MYO9A: variants seen among roughly 807,000 people sequenced by gnomAD.
MYO9A encodes the protein myosin IXA, also known as unconventional myosin-IXa.
MYO9A carries 103 observed loss-of-function variants against 293.3 expected under a neutral mutation model. That is an observed-to-expected ratio of 0.35 (90% CI 0.30 to 0.41). The LOEUF (loss-of-function observed/expected upper bound fraction) is 0.41. MYO9A is among the 10% of genes least tolerant of loss of function. The probability of loss-of-function intolerance (pLI) is 1.00; values close to 1 mark genes in which losing one functional copy is unlikely to be tolerated. For missense variants in MYO9A, 2,685 were observed against 3,033.0 expected (o/e 0.89, Z 2.69); for synonymous variants, 1,001 against 1,035.7 (o/e 0.97, Z 0.64).
At chr15:72,021,468 G>A (rs1030313044) in intron 4 of MYO9A, among the ~76,000 whole-genome samples, 1 of 152,174 alleles carries the variant, frequency 6.6e-6, no homozygotes, top group Non-Finnish European at 1.5e-5. Context: ...GAGATGAGAA[G>A]CCTGACAGCT....
chr15:71,988,034 T>C (rs1328188672), intron 11 of MYO9A, among the ~76,000 whole-genome samples: 1 of 152,340 alleles, frequency 6.6e-6, no homozygotes, highest in East Asian at 1.9e-4. Flanking sequence ...AGGCATTTCT[T>C]CTGGCTGTCT....
chr15:71,884,558 C>A (rs1249421042), intron 27 of MYO9A, among the ~76,000 whole-genome samples: 2 of 152,092 alleles, frequency 1.3e-5, no homozygotes, highest in African/African-American at 4.8e-5. Context: ...CAAAGTTTCA[C>A]AGTGAGTGAA....
At chr15:71,969,861 A>G (rs2096743894) in intron 12 of MYO9A, among the ~76,000 whole-genome samples, 1 of 152,214 alleles carries the variant, frequency 6.6e-6, no homozygotes, top group Admixed American at 6.5e-5. Context: ...TGCTCATATC[A>G]AAGCTCTTCA....
At chr15:71,861,578 T>TATCC (rs199561922) in intron 33 of MYO9A, among the ~76,000 whole-genome samples, 5,558 of 147,620 alleles carry the variant, frequency 0.038, 381 homozygotes, top group African/African-American at 0.13. Flanking sequence ...TTTATTCATT[T>TATCC]ATCCATCCAT....
At position 72,018,422 on chromosome 15, in the gene MYO9A, C is replaced by G. The variant is rs901986934; in HGVS notation, c.1155+617G>C. Among the ~76,000 whole-genome samples, 10 of 152,138 alleles carry G rather than the reference C, an allele frequency of 6.6e-5. No individual in the cohort carries two copies. The South Asian group carries it at 1.0e-3, about 16-fold the overall frequency. On this transcript the variant is annotated intron_variant, in intron 6 of 41. Coordinates refer to ENST00000356056, the MANE Select transcript of MYO9A (RefSeq NM_006901.4). The stretch of plus-strand genomic sequence containing the variant: ...GATGGAGGTTGCAGGGAGCCAAGAT[C>G]ATGTCACTGTACTCCAGTAAAAGAG...
chr15:72,062,449 A>G (rs2078904321), intron 1 of MYO9A, among the ~76,000 whole-genome samples: 1 of 152,242 alleles, frequency 6.6e-6, no homozygotes, highest in Non-Finnish European at 1.5e-5. Context: ...ACAAAACTCA[A>G]GATAACACAG....
chr15:71,990,649 G>A (rs2076519317), intron 11 of MYO9A, among the ~76,000 whole-genome samples: 1 of 151,814 alleles, frequency 6.6e-6, no homozygotes, highest in African/African-American at 2.4e-5. Flanking sequence ...CCAGCTACTC[G>A]GGGAGGCTGA....
At chr15:71,916,973 T>C (rs2058028588) in intron 18 of MYO9A, among the ~76,000 whole-genome samples, 1 of 152,250 alleles carries the variant, frequency 6.6e-6, no homozygotes, top group Non-Finnish European at 1.5e-5. Context: ...TTGTAGCAGT[T>C]TCTTCCAGAT....
chr15:71,890,316 A>G (rs1019902383), intron 26 of MYO9A: 1 of 152,178 alleles, frequency 6.6e-6, no homozygotes, highest in African/African-American at 2.4e-5. Flanking sequence ...TGCTAGAAGT[A>G]ATGAAGATTG....
intron 15 of MYO9A, among the ~76,000 whole-genome samples, chr15:71,945,254 A>C (rs2058882877): frequency 6.6e-6 from 1 of 152,180 alleles, no homozygotes; most frequent in Non-Finnish European, 1.5e-5. Flanking sequence ...TTCTAAGGTC[A>C]CTCACATAGT....
intron 2 of MYO9A, among the ~76,000 whole-genome samples, 155 bp from the exon 3 acceptor site, chr15:72,032,743 T>C (rs1378597593): frequency 6.6e-6 from 1 of 152,068 alleles, no homozygotes; most frequent in Non-Finnish European, 1.5e-5. Context: ...CATTCACAGT[T>C]CAGGCAAAAT....
intron 34 of MYO9A, 137 bp downstream of exon 34, chr15:71,859,598 T>C (rs1056506338): frequency 1.6e-6 from 1 of 611,776 alleles, no homozygotes. Flanking sequence ...ATAAAACATA[T>C]TTCTACTGTG....
intron 10 of MYO9A, among the ~76,000 whole-genome samples, chr15:71,992,056 G>A (rs2076557431): frequency 6.6e-6 from 1 of 151,530 alleles, no homozygotes; most frequent in Non-Finnish European, 1.5e-5. Context: ...TGCCCGGCCA[G>A]AACATACGGT....
chr15:72,098,796 A>C (rs976378184), intron 1 of MYO9A, among the ~76,000 whole-genome samples: 3 of 152,068 alleles, frequency 2.0e-5, no homozygotes, highest in African/African-American at 7.2e-5. Flanking sequence ...ATATAATGAG[A>C]CCACACCCCC....
At chr15:72,074,332 TC>T in intron 1 of MYO9A, among the ~76,000 whole-genome samples, 1 of 151,966 alleles carries the variant, frequency 6.6e-6, no homozygotes, top group Non-Finnish European at 1.5e-5. Context: ...CAAGGGAGAA[TC>T]ACTCCACTAT....
intron 11 of MYO9A, among the ~76,000 whole-genome samples, chr15:71,988,917 T>TA (rs1274439703): frequency 6.6e-6 from 1 of 152,120 alleles, no homozygotes; most frequent in Non-Finnish European, 1.5e-5. Context: ...TTTTTTGAGA[T>TA]AGAGTCTCAC....
At chr15:71,831,368 T>A (rs2054719329) in intron 39 of MYO9A, among the ~76,000 whole-genome samples, 1 of 152,242 alleles carries the variant, frequency 6.6e-6, no homozygotes, top group Non-Finnish European at 1.5e-5. Context: ...GAGATTGGCC[T>A]ACAAAGACTA....
intron 39 of MYO9A, among the ~76,000 whole-genome samples, chr15:71,845,298 T>G (rs768128461): frequency 6.8e-6 from 1 of 147,634 alleles, no homozygotes; most frequent in Non-Finnish European, 1.5e-5. Context: ...AGTAAGCACT[T>G]TAAATACAGC....
At chr15:71,970,641 A>G (rs1288482525) in intron 12 of MYO9A, among the ~76,000 whole-genome samples, 1 of 152,226 alleles carries the variant, frequency 6.6e-6, no homozygotes, top group East Asian at 1.9e-4. Flanking sequence ...TAACTACAGG[A>G]CTGACTCATA....
Sources: allele counts gnomAD v4.1 joint callset (sites outside exome capture counted in the v4.1 genomes callset), GRCh38; gene constraint gnomAD v4.1.1; transcripts MANE v1.5; gene names NCBI Gene and HGNC (gene_info 2026-07-23, HGNC 2026-07-21).